MAP3K15: variants seen among roughly 807,000 people sequenced by gnomAD.
MAP3K15 encodes the protein mitogen-activated protein kinase kinase kinase 15.
In MAP3K15, 124 loss-of-function variants were observed where a neutral mutation model predicts 99.5. The observed-to-expected ratio is 1.25, with a 90% CI of 1.08 to 1.45. MAP3K15 has a LOEUF of 1.45. MAP3K15 is among the 40% of genes most tolerant of loss of function. The pLI is 0.00. For missense variants in MAP3K15, 1,242 were observed against 1,079.7 expected, an observed-to-expected ratio of 1.15 and a Z score of -2.11; for synonymous variants, 494 against 439.6, an observed-to-expected ratio of 1.12 and a Z score of -1.55.
At chrX:19,439,865 G>A (rs1373395015) in intron 6 of MAP3K15, among the ~76,000 whole-genome samples, 1 of 112,070 alleles carries the variant, frequency 8.9e-6, no homozygotes, top group Non-Finnish European at 1.9e-5. Flanking sequence ...AATCACTGGG[G>A]TCTGCCCTCA....
At position 19,387,671 on chromosome X, in the gene MAP3K15, C is replaced by T. The variant is rs1391627452; in HGVS notation, c.2431+4331G>A. Among the ~76,000 whole-genome samples, 3 of 111,573 alleles carry T rather than the reference C, an allele frequency of 2.7e-5. No homozygotes were observed. In the Admixed American group the frequency reaches 2.9e-4, roughly 11 times the overall value. ...CAGAGAGCTGGGATTACAGGCGTGC[C>T]CAGCATATGGTCTTCTTAAAAGGAA... On this transcript the variant is annotated intron_variant, in intron 18 of 28. Coordinates refer to ENST00000338883, the MANE Select transcript of MAP3K15 (RefSeq NM_001001671.4).
At position 19,467,494 on chromosome X, in the gene MAP3K15, C is replaced by T. The variant is rs111977669; in HGVS notation, c.526-3088G>A. On this transcript the variant is annotated intron_variant, in intron 3 of 28. Transcript: ENST00000338883. Reference sequence around the variant, plus strand: ...AGGCAAAACAGGCTAAGAGACTGGGCGCAGTGGCTCACACCTGTAATCCCA... The same window carrying T: ...AGGCAAAACAGGCTAAGAGACTGGGTGCAGTGGCTCACACCTGTAATCCCA... Among the ~76,000 whole-genome samples the T allele has an allele frequency of 2.2e-3, 246 of 111,107 alleles. 1 individual carries two copies. Among genetic ancestry groups the T allele is most frequent in the South Asian group, 0.01 (26 of 2,597 alleles).
chrX:19,387,952 A>G (rs1221750190), intron 18 of MAP3K15, among the ~76,000 whole-genome samples: 1 of 111,980 alleles, frequency 8.9e-6, no homozygotes, highest in African/African-American at 3.2e-5. Context: ...ACTAAACATC[A>G]GCCAGGCCCA....
chrX:19,489,701 G>A lies in MAP3K15; in HGVS notation c.362-734C>T, dbSNP rs749869484. ...GTCCTCACCAGACAATGAGTCTGCC[G>A]CCACCTTGATGTTGGACTTCCTAGT... On this transcript the variant is annotated intron_variant, in intron 1 of 28. Coordinates refer to ENST00000338883, the MANE Select transcript of MAP3K15 (RefSeq NM_001001671.4). Among the ~76,000 whole-genome samples the A allele has an allele frequency of 8.1e-5, 9 of 110,766 alleles. No individual in the cohort carries two copies. The South Asian group carries it at 2.3e-3, about 29-fold the overall frequency.
chrX:19,401,017 G>A (rs943376176), intron 13 of MAP3K15, among the ~76,000 whole-genome samples: 1 of 110,931 alleles, frequency 9.0e-6, no homozygotes, highest in Non-Finnish European at 1.9e-5. Context: ...TTTCATGTGG[G>A]TTCCATCCAC....
intron 19 of MAP3K15, among the ~76,000 whole-genome samples, chrX:19,379,731 C>T (rs945969730): frequency 2.7e-5 from 3 of 111,026 alleles, no homozygotes; most frequent in South Asian, 3.8e-4. Context: ...CGTGAGCCAC[C>T]GCGCCCGGCC....
chrX:19,372,774 T>A lies in MAP3K15; in HGVS notation c.2987A>T (p.Glu996Val). Residue 996 changes from glutamate to valine, a missense_variant, in exon 22 of 29, where the codon GAG (glutamate) becomes GTG (valine). Transcript: ENST00000338883. ...LEDRGLASSPEDRDQGLFLLR... is the reference protein window; with the variant it reads ...LEDRGLASSPVDRDQGLFLLR... ...CAGGAAGAGGCCCTGGTCCCTGTCC[T>A]CCGGGGACGAGGCCAAGCCCCGGTC... 1.7e-6 allele frequency: 2 copies of A among 1,211,331 alleles called. No homozygotes were observed. The highest frequency in any genetic ancestry group is 2.2e-6 in the Non-Finnish European group (2 of 895,117).
In MAP3K15 at chrX:19,398,314, T is replaced by TC. The variant is rs1222731473; in HGVS notation, c.1977dup (p.Lys660GlufsTer29). 2.5e-6 allele frequency: 3 copies of TC among 1,209,057 alleles called. No homozygotes were observed. Among genetic ancestry groups the TC allele is most frequent in the Non-Finnish European group, 2.2e-6 (2 of 894,872 alleles). On this transcript the variant is annotated frameshift_variant, in exon 15 of 29. Coordinates refer to ENST00000338883, the MANE Select transcript of MAP3K15 (RefSeq NM_001001671.4). LOFTEE classifies it high-confidence loss of function. ...GCATACACAATCCCATACGTGCCTT[T>TC]CCCCAAGACAACTCTCTCACCATTT...
intron 6 of MAP3K15, among the ~76,000 whole-genome samples, chrX:19,446,679 G>A (rs1003535479): frequency 2.7e-5 from 3 of 110,423 alleles, no homozygotes; most frequent in Non-Finnish European, 5.7e-5. Context: ...CTTCAGTCAG[G>A]CTAAACTGGA....
At chrX:19,506,676 T>C (rs5955565) in intron 1 of MAP3K15, among the ~76,000 whole-genome samples, 30,441 of 109,184 alleles carry the variant, frequency 0.28, 4,521 homozygotes, top group African/African-American at 0.57. Flanking sequence ...GTGTGTGCCA[T>C]CATGCCCAGC....
Position 19,494,878 on chromosome X carries a change from TA to T in MAP3K15, c.362-5912del, listed in dbSNP as rs760808925. On this transcript the variant is annotated intron_variant, in intron 1 of 28. Transcript: ENST00000338883. ...ACACTAGCTACCTAAAAGCTACCTT[TA>T]AAAAAAAAAAAAGCCCAGATATACT... Among the ~76,000 whole-genome samples the T allele has an allele frequency of 7.8e-3, 722 of 92,073 alleles. 8 individuals are homozygous for T. The highest frequency in any genetic ancestry group is 0.02 in the African/African-American group (500 of 24,664). The allele number at this position is 92,073 out of a possible 115,157, so 80.0% of individuals were successfully genotyped here.
At chrX:19,429,760 A>AAGAGAGAGAG (rs369383239) in intron 7 of MAP3K15, among the ~76,000 whole-genome samples, 1 of 33,236 alleles carries the variant, frequency 3.0e-5, no homozygotes, top group Non-Finnish European at 7.6e-5. Context: ...GTATGAAAGG[A>AAGAGAGAGAG]AGAGAGAGAG....
intron 6 of MAP3K15, among the ~76,000 whole-genome samples, chrX:19,456,666 T>C (rs769784239): frequency 6.2e-5 from 7 of 112,268 alleles, no homozygotes; most frequent in Non-Finnish European, 1.3e-4. Context: ...TTACAAGATA[T>C]GTGAAGCCGG....
intron 3 of MAP3K15, among the ~76,000 whole-genome samples, chrX:19,486,012 G>C (rs12011187): frequency 0.043 from 4,853 of 111,924 alleles, 266 homozygotes; most frequent in African/African-American, 0.15. Context: ...AAATGGGACA[G>C]AAGGAAGTAG....
At chrX:19,488,303 C>T (rs2064343381) in intron 2 of MAP3K15, among the ~76,000 whole-genome samples, 1 of 112,131 alleles carries the variant, frequency 8.9e-6, no homozygotes, top group South Asian at 3.6e-4. Context: ...TTGAGTTGTG[C>T]AGGAACACAC....
chrX:19,416,808 C>T (rs1046507429), intron 9 of MAP3K15, among the ~76,000 whole-genome samples: 7 of 111,891 alleles, frequency 6.3e-5, no homozygotes, highest in Non-Finnish European at 1.1e-4. Flanking sequence ...GTAGGCTATT[C>T]GTAGTTAAGT....
At position 19,456,893 on chromosome X, in the gene MAP3K15, A is replaced by G; in HGVS notation, c.995+20T>C. The G allele has an allele frequency of 1.8e-6, 2 of 1,104,631 alleles. No homozygotes were observed. The highest frequency in any genetic ancestry group is 2.5e-6 in the Non-Finnish European group (2 of 812,081). The allele number at this position is 1,104,631 out of a possible 1,213,427, so 91.0% of individuals were successfully genotyped here. A position where few individuals can be genotyped will look rare whatever the true frequency, so the allele number is the denominator to read the frequency against. ...ATGGGTGGCATGTTTCAAAACCTGT[A>G]CGTACATTATCGTTCTTACCTATTC... is the stretch of plus-strand genomic sequence containing the variant. On this transcript the variant is annotated intron_variant, in intron 6 of 28. Transcript: ENST00000338883.
intron 7 of MAP3K15, among the ~76,000 whole-genome samples, chrX:19,427,731 G>T (rs7883171): frequency 0.039 from 4,387 of 111,150 alleles, 212 homozygotes; most frequent in African/African-American, 0.13. Context: ...CCAAAGACTT[G>T]CTAGTAGTAA....
At chrX:19,503,440 C>A (rs1301078236) in intron 1 of MAP3K15, among the ~76,000 whole-genome samples, 2 of 111,628 alleles carry the variant, frequency 1.8e-5, no homozygotes, top group Non-Finnish European at 3.8e-5. Flanking sequence ...TCTTCTTGTT[C>A]TTTGAGACAG....
Sources: gnomAD v4.1 joint callset for allele counts (sites outside exome capture counted in the v4.1 genomes callset) on GRCh38, gnomAD v4.1.1 for gene constraint, MANE v1.5 for transcripts, NCBI Gene and HGNC (gene_info 2026-07-23, HGNC 2026-07-21) for gene names.